PLCB1: variants seen among roughly 807,000 people sequenced by gnomAD.
PLCB1 encodes 1-phosphatidylinositol 4,5-bisphosphate phosphodiesterase beta-1.
A neutral mutation model predicts 161.8 loss-of-function variants in PLCB1; 46 were observed. The observed-to-expected ratio is 0.28, with a 90% CI of 0.22 to 0.36. The LOEUF (loss-of-function observed/expected upper bound fraction) is 0.36, where lower values mean the gene tolerates loss of function less well. Ranked by LOEUF, PLCB1 falls within the 10% of genes least tolerant of loss-of-function variation. PLCB1 has a pLI of 1.00. For synonymous variants in PLCB1, 517 were observed against 503.7 expected (o/e 1.03, Z -0.35); for missense variants, 1,016 against 1,472.5 (o/e 0.69, Z 5.07).
chr20:8,611,455 G>A (rs1987900794), intron 3 of PLCB1, among the ~76,000 whole-genome samples: 1 of 152,094 alleles, frequency 6.6e-6, no homozygotes, highest in Admixed American at 6.5e-5. Context: ...TTCACATCAA[G>A]TTACCTAGTC....
chr20:8,746,335 A>T (rs890868113), intron 23 of PLCB1, among the ~76,000 whole-genome samples: 4 of 152,176 alleles, frequency 2.6e-5, no homozygotes, highest in African/African-American at 9.6e-5. Flanking sequence ...TTCTATTTTT[A>T]AAATACCTAT....
chr20:8,539,961 G>T (rs1985241767), intron 3 of PLCB1, among the ~76,000 whole-genome samples: 1 of 152,098 alleles, frequency 6.6e-6, no homozygotes, highest in South Asian at 2.1e-4. Context: ...GAGGTTGTCA[G>T]TCTTATTCCC....
intron 27 of PLCB1, among the ~76,000 whole-genome samples, chr20:8,784,250 T>G (rs146034692): frequency 7.0e-4 from 106 of 152,158 alleles, no homozygotes; most frequent in African/African-American, 2.5e-3. Flanking sequence ...AGAACTTCAG[T>G]AGGAGTGAGG....
intron 31 of PLCB1, among the ~76,000 whole-genome samples, chr20:8,865,066 G>A (rs1555796023): frequency 6.6e-6 from 1 of 152,190 alleles, no homozygotes; most frequent in Non-Finnish European, 1.5e-5. Flanking sequence ...ACCGGTTCCT[G>A]TCCTTATAAG....
At chr20:8,831,948 T>G (rs374033838) in intron 31 of PLCB1, among the ~76,000 whole-genome samples, 88 of 77,964 alleles carry the variant, frequency 1.1e-3, no homozygotes, top group South Asian at 3.0e-3. Flanking sequence ...CTTTCTTTCT[T>G]TCTTTCTTTC....
At chr20:8,477,665 G>A (rs757792143) in intron 3 of PLCB1, among the ~76,000 whole-genome samples, 91 of 152,172 alleles carry the variant, frequency 6.0e-4, no homozygotes, top group Non-Finnish European at 1.8e-4. Flanking sequence ...AGGCGAATAG[G>A]GAGCAGGTGT....
chr20:8,247,550 A>G (rs747486845), intron 2 of PLCB1, among the ~76,000 whole-genome samples: 2 of 151,920 alleles, frequency 1.3e-5, no homozygotes, highest in Non-Finnish European at 2.9e-5. Context: ...AGAATTGGCC[A>G]GGCTAAGATT....
At chr20:8,308,648 C>T (rs1224408332) in intron 2 of PLCB1, among the ~76,000 whole-genome samples, 5 of 142,086 alleles carry the variant, frequency 3.5e-5, no homozygotes, top group Non-Finnish European at 7.6e-5. Context: ...AAAAGGACAA[C>T]TATGAATGTT....
At chr20:8,425,418 CAT>C in intron 3 of PLCB1, among the ~76,000 whole-genome samples, 1 of 152,232 alleles carries the variant, frequency 6.6e-6, no homozygotes, top group Non-Finnish European at 1.5e-5. Flanking sequence ...CTGCCTCAAT[CAT>C]GTTATCTATG....
At chr20:8,768,087 T>G (rs754247707) in intron 26 of PLCB1, among the ~76,000 whole-genome samples, 2 of 152,044 alleles carry the variant, frequency 1.3e-5, no homozygotes, top group Non-Finnish European at 2.9e-5. Context: ...GGAGGATTGC[T>G]TGAACCAGGA....
chr20:8,618,771 A>T (rs1326777306), intron 3 of PLCB1, among the ~76,000 whole-genome samples: 1 of 152,180 alleles, frequency 6.6e-6, no homozygotes, highest in Admixed American at 6.6e-5. Flanking sequence ...GACGGGGCTT[A>T]TTTAAATGCA....
intron 11 of PLCB1, among the ~76,000 whole-genome samples, chr20:8,698,350 A>G (rs1366765353): frequency 6.6e-6 from 1 of 151,994 alleles, no homozygotes; most frequent in Non-Finnish European, 1.5e-5. Flanking sequence ...AATTTTTTTC[A>G]CTTGTAAATT....
At chr20:8,640,481 C>T (rs78533892) in intron 4 of PLCB1, among the ~76,000 whole-genome samples, 19,268 of 151,986 alleles carry the variant, frequency 0.13, 1,213 homozygotes, top group Middle Eastern at 0.19. Flanking sequence ...TACACAGCAC[C>T]GAGGCAGATA....
At chr20:8,214,561 A>G (rs183885142) in intron 2 of PLCB1, among the ~76,000 whole-genome samples, 117 of 152,274 alleles carry the variant, frequency 7.7e-4, no homozygotes, top group African/African-American at 2.5e-3. Flanking sequence ...ACCCTGTCTC[A>G]GGTATTTCTT....
chr20:8,829,925 T>C (rs1261866618), intron 31 of PLCB1, among the ~76,000 whole-genome samples: 1 of 152,186 alleles, frequency 6.6e-6, no homozygotes, highest in African/African-American at 2.4e-5. Flanking sequence ...GATGATTCTG[T>C]CAGAAAATAT....
intron 2 of PLCB1, among the ~76,000 whole-genome samples, chr20:8,290,991 C>T (rs951009408): frequency 3.3e-5 from 5 of 151,162 alleles, no homozygotes; most frequent in Non-Finnish European, 1.5e-5. Context: ...TCAGAATAGA[C>T]CTCATGGTGA....
chr20:8,307,281 G>A (rs1984174569), intron 2 of PLCB1, among the ~76,000 whole-genome samples: 1 of 152,168 alleles, frequency 6.6e-6, no homozygotes, highest in East Asian at 1.9e-4. Context: ...TCTGGATTCA[G>A]CTTTAACTGG....
chr20:8,869,169 C>T (rs1022456195), intron 31 of PLCB1, among the ~76,000 whole-genome samples: 15 of 150,492 alleles, frequency 1.0e-4, no homozygotes, highest in African/African-American at 1.9e-4. Context: ...GTTTGACAAA[C>T]GTCTTTGGGT....
chr20:8,247,465 C>A (rs1980932804), intron 2 of PLCB1, among the ~76,000 whole-genome samples: 1 of 151,868 alleles, frequency 6.6e-6, no homozygotes, highest in Non-Finnish European at 1.5e-5. Context: ...CTTTAGAAAA[C>A]CATCTTAAAT....
Sources: gnomAD v4.1 joint callset for allele counts (sites outside exome capture counted in the v4.1 genomes callset) on GRCh38, gnomAD v4.1.1 for gene constraint, MANE v1.5 for transcripts, NCBI Gene and HGNC (gene_info 2026-07-23, HGNC 2026-07-21) for gene names.